PTPRM: variants seen among roughly 807,000 people sequenced by gnomAD.
PTPRM encodes the protein receptor-type tyrosine-protein phosphatase mu.
PTPRM carries 47 observed loss-of-function variants against 186.7 expected under a neutral mutation model. That is an observed-to-expected ratio of 0.25 (90% confidence interval 0.20 to 0.32). The LOEUF is 0.32. Ranked by LOEUF, PTPRM falls within the 10% of genes least tolerant of loss-of-function variation. The pLI, the probability that PTPRM is intolerant of heterozygous loss-of-function variation, is 1.00. For synonymous variants in PTPRM, 668 were observed against 674.9 expected (o/e 0.99, Z 0.16); for missense variants, 1,494 against 1,865.0 (o/e 0.80, Z 3.66).
At chr18:8,201,579 C>T (rs939753597) in intron 14 of PTPRM, among the ~76,000 whole-genome samples, 5 of 152,146 alleles carry the variant, frequency 3.3e-5, no homozygotes, top group African/African-American at 2.4e-5. Context: ...GAATTTTTCA[C>T]GGTTCTGGAG....
Position 7,878,039 on chromosome 18 carries a change from G to A in PTPRM, c.197-10067G>A, listed in dbSNP as rs187715465. Among the ~76,000 whole-genome samples the A allele has an allele frequency of 7.2e-5, 11 of 152,230 alleles. No individual in the cohort carries two copies. The East Asian group carries it at 1.4e-3, about 19-fold the overall frequency. On this transcript the variant is annotated intron_variant, in intron 2 of 32. Transcript: ENST00000580170. ...TTCACCAGAACCTCACAAGCATATA[G>A]TGTTGAAATGTTTATGTAATTAAGA... is the stretch of plus-strand genomic sequence containing the variant.
At chr18:8,271,189 A>G (rs573915680) in intron 19 of PTPRM, among the ~76,000 whole-genome samples, 1 of 152,172 alleles carries the variant, frequency 6.6e-6, no homozygotes, top group African/African-American at 2.4e-5. Context: ...TGGTTTATTT[A>G]TATTATTTAC....
At chr18:8,287,097 T>A (rs2094965005) in intron 19 of PTPRM, among the ~76,000 whole-genome samples, 1 of 147,746 alleles carries the variant, frequency 6.8e-6, no homozygotes. Flanking sequence ...ATGTTTGCTT[T>A]AAAAAAAAAA....
chr18:7,672,169 A>G (rs1391580340), intron 1 of PTPRM, among the ~76,000 whole-genome samples: 1 of 152,360 alleles, frequency 6.6e-6, no homozygotes, highest in East Asian at 1.9e-4. Context: ...GGGATTGTGA[A>G]TCAGTCTAAA....
Position 8,088,733 on chromosome 18 carries a change from A to G in PTPRM, c.1754-16A>G, listed in dbSNP as rs1409346273. On this transcript the variant is annotated splice_polypyrimidine_tract_variant and intron_variant, in intron 10 of 32. Transcript: ENST00000580170. Reference sequence around the variant, plus strand: ...CCAGAAATAATGAGTCTCCCATTCTACGCCTTTTTCCCCAGCACCCTCTAT... The same window carrying G: ...CCAGAAATAATGAGTCTCCCATTCTGCGCCTTTTTCCCCAGCACCCTCTAT... 2 of 1,566,718 alleles carry G rather than the reference A, an allele frequency of 1.3e-6. No homozygotes were observed. Among genetic ancestry groups the G allele is most frequent in the Non-Finnish European group, 1.8e-6 (2 of 1,137,506 alleles).
intron 14 of PTPRM, among the ~76,000 whole-genome samples, chr18:8,175,191 C>T (rs1343960274): frequency 6.6e-6 from 1 of 152,178 alleles, no homozygotes; most frequent in Non-Finnish European, 1.5e-5. Context: ...GGAAAATTCA[C>T]CACATGCAAA....
chr18:7,959,884 G>A (rs2053552970), intron 7 of PTPRM, among the ~76,000 whole-genome samples: 1 of 152,184 alleles, frequency 6.6e-6, no homozygotes, highest in South Asian at 2.1e-4. Flanking sequence ...TTCCAACTTT[G>A]CAGTTCAGCT....
chr18:7,732,152 G>C lies in PTPRM; in HGVS notation c.74-41997G>C, dbSNP rs191649949. 2.1e-3 allele frequency among the ~76,000 whole-genome samples: 322 copies of C among 152,210 alleles called. 2 individuals are homozygous for C. The highest frequency in any genetic ancestry group is 4.7e-3 in the Admixed American group (72 of 15,298). ...CCTTTAAAGGAAAAGGAGTACACAG[G>C]TTCCTTCTTTGCCTTCTCTGTCTTC... On this transcript the variant is annotated intron_variant, in intron 1 of 32. Coordinates refer to ENST00000580170, the MANE Select transcript of PTPRM (RefSeq NM_001105244.2).
chr18:7,695,238 G>A (rs1471276518), intron 1 of PTPRM, among the ~76,000 whole-genome samples: 2 of 152,192 alleles, frequency 1.3e-5, no homozygotes, highest in Admixed American at 6.5e-5. Flanking sequence ...GTCCCAGGTC[G>A]TTTATATTCT....
At chr18:7,910,107 G>A (rs2050186056) in intron 4 of PTPRM, among the ~76,000 whole-genome samples, 4 of 152,218 alleles carry the variant, frequency 2.6e-5, no homozygotes, top group Middle Eastern at 3.4e-3. Context: ...TGTCTTAAAA[G>A]CCGTATGTAA....
chr18:8,360,933 G>A (rs1372204430), intron 23 of PTPRM: 1 of 152,214 alleles, frequency 6.6e-6, no homozygotes, highest in East Asian at 1.9e-4. Context: ...AACCAACAGT[G>A]TACGTGTAGG....
At chr18:7,831,722 T>C (rs925052071) in intron 2 of PTPRM, among the ~76,000 whole-genome samples, 3 of 152,204 alleles carry the variant, frequency 2.0e-5, no homozygotes, top group African/African-American at 4.8e-5. Context: ...CACTCTGTTT[T>C]TTTGGTATCC....
chr18:7,680,222 C>T (rs959084920), intron 1 of PTPRM, among the ~76,000 whole-genome samples: 1 of 152,118 alleles, frequency 6.6e-6, no homozygotes, highest in Admixed American at 6.5e-5. Flanking sequence ...GCTATAAATG[C>T]TAAATATTTC....
chr18:8,057,455 C>CT (rs536872014), intron 7 of PTPRM, among the ~76,000 whole-genome samples: 7,984 of 77,812 alleles, frequency 0.1, 792 homozygotes, highest in African/African-American at 0.33. Context: ...TTTAGCTATT[C>CT]TTTTTTTTTT....
chr18:7,800,158 C>G (rs563204947), intron 2 of PTPRM, among the ~76,000 whole-genome samples: 1 of 152,170 alleles, frequency 6.6e-6, no homozygotes, highest in East Asian at 1.9e-4. Flanking sequence ...ACATTAAATC[C>G]CCCCCTTCAG....
At chr18:7,790,626 A>G (rs1193888046) in intron 2 of PTPRM, among the ~76,000 whole-genome samples, 1 of 152,228 alleles carries the variant, frequency 6.6e-6, no homozygotes, top group East Asian at 1.9e-4. Context: ...TAAAGAGGAG[A>G]TCTCTCTAAG....
chr18:7,775,250 A>G (rs2042524142), intron 2 of PTPRM, among the ~76,000 whole-genome samples: 1 of 152,222 alleles, frequency 6.6e-6, no homozygotes, highest in Non-Finnish European at 1.5e-5. Flanking sequence ...AGAAGGGAGC[A>G]TTGAGCTCTT....
At chr18:7,590,230 T>G (rs774112340) in intron 1 of PTPRM, among the ~76,000 whole-genome samples, 3 of 152,228 alleles carry the variant, frequency 2.0e-5, no homozygotes, top group Non-Finnish European at 2.9e-5. Context: ...TCCTTAATTT[T>G]TCTTCAGGAA....
intron 32 of PTPRM, chr18:8,403,158 C>G (rs1270807739): frequency 6.6e-6 from 1 of 152,156 alleles, no homozygotes; most frequent in Non-Finnish European, 1.5e-5. Flanking sequence ...ACCCATGAGT[C>G]TAGAAAGCAA....
Sources: gnomAD v4.1 joint callset for allele counts (sites outside exome capture counted in the v4.1 genomes callset) on GRCh38, gnomAD v4.1.1 for gene constraint, MANE v1.5 for transcripts, NCBI Gene and HGNC (gene_info 2026-07-23, HGNC 2026-07-21) for gene names.